The following FBXO38 variants were observed in gnomAD, a reference collection of about 807,000 sequenced individuals.
FBXO38 encodes the protein F-box only protein 38.
In FBXO38, 53 loss-of-function variants were observed where a neutral mutation model predicts 131.9. That is an observed-to-expected ratio of 0.40 (90% CI 0.32 to 0.51). FBXO38 has a LOEUF of 0.51. Among genes scored for constraint, FBXO38 ranks in the 20% least tolerant of loss-of-function variants. The pLI is 0.53. For synonymous variants in FBXO38, 452 were observed against 505.6 expected (o/e 0.89, Z 1.42); for missense variants, 1,076 against 1,475.6 (o/e 0.73, Z 4.44).
chr5:148,440,386 T>C, intron 19 of FBXO38, 38 bp from the exon 20 acceptor site: 1 of 1,283,150 alleles, frequency 7.8e-7, no homozygotes, highest in Non-Finnish European at 1.1e-6. Flanking sequence ...TTATTTCCAG[T>C]TTTGTAATTT....
chr5:148,438,593 A>G, intron 18 of FBXO38, 95 bp downstream of exon 18: 1 of 1,337,740 alleles, frequency 7.5e-7, no homozygotes, highest in Non-Finnish European at 1.0e-6. Flanking sequence ...TTTGGCATTC[A>G]TTCACTTGCC....
At position 148,404,804 on chromosome 5, in the gene FBXO38, G is replaced by A. The variant is rs144890577; in HGVS notation, c.712G>A (p.Val238Ile). 155 of 1,606,046 alleles carry A rather than the reference G, an allele frequency of 9.7e-5. No homozygotes were observed. Among genetic ancestry groups the A allele is most frequent in the Middle Eastern group, 1.7e-4 (1 of 6,038 alleles). The change falls in exon 6 of 22, where the codon GTC becomes ATC. Residue 238 changes from valine to isoleucine, a missense_variant. Val to Ile is a conservative substitution (Grantham distance 29, BLOSUM62 3). Coordinates refer to ENST00000340253, the MANE Select transcript of FBXO38 (RefSeq NM_205836.3). ...CCTTTGTATCAGCTTAAGAACTTTC[G>A]TCATGAGGAACTGTGCAGGTAATGG... Reference protein sequence around the residue: ...DFLCISLRTFVMRNCAGPTNS... With the variant: ...DFLCISLRTFIMRNCAGPTNS...
At chr5:148,419,288 G>A (rs1430125295) in intron 12 of FBXO38, among the ~76,000 whole-genome samples, 1 of 152,084 alleles carries the variant, frequency 6.6e-6, no homozygotes, top group African/African-American at 2.4e-5. Context: ...AGATTCCACA[G>A]GTCACTCCCA....
At position 148,417,030 on chromosome 5, in the gene FBXO38, A is replaced by G; in HGVS notation, c.1444A>G (p.Ile482Val). 1 of 1,613,908 alleles carries G rather than the reference A, an allele frequency of 6.2e-7. No homozygotes were observed. The highest frequency in any genetic ancestry group is 8.5e-7 in the Non-Finnish European group (1 of 1,179,856). ...ARVGLSAGTG[I>V]GVSSALVSNQ... ...AGTTGGTCTGAGTGCAGGCACAGGAATTGGTGTTTCATCAGCTCTTGTTAG... is the reference window on the plus strand; with the variant it reads ...AGTTGGTCTGAGTGCAGGCACAGGAGTTGGTGTTTCATCAGCTCTTGTTAG... Residue 482 changes from isoleucine to valine, a missense_variant, in exon 12 of 22, where the codon ATT becomes GTT. Physicochemically the swap from Ile to Val is conservative, Grantham distance 29. Coordinates refer to ENST00000340253, the MANE Select transcript of FBXO38 (RefSeq NM_205836.3).
chr5:148,409,541 C>G (rs945795792), intron 8 of FBXO38, among the ~76,000 whole-genome samples: 2 of 152,198 alleles, frequency 1.3e-5, no homozygotes, highest in African/African-American at 2.4e-5. Flanking sequence ...GTAGCCCTCT[C>G]AGGACCATTG....
chr5:148,402,006 C>G lies in FBXO38; in HGVS notation c.287C>G (p.Thr96Arg). The G allele has an allele frequency of 6.2e-7, 1 of 1,610,452 alleles. No individual in the cohort carries two copies. The highest frequency in any genetic ancestry group is 8.5e-7 in the Non-Finnish European group (1 of 1,177,290). ...GGCTTTACAGATGCCAGTTTTCTAACACTATTAAAGAAGATGCCAGATGTT... is the reference window on the plus strand; with the variant it reads ...GGCTTTACAGATGCCAGTTTTCTAAGACTATTAAAGAAGATGCCAGATGTT... The part of the protein sequence containing the change: ...PSGFTDASFL[T>R]LLKKMPDVEQ... Residue 96 changes from threonine to arginine, a missense_variant, in exon 4 of 22, where the codon ACA (threonine) becomes AGA (arginine). Thr to Arg is a moderately conservative substitution (Grantham distance 71, BLOSUM62 -1). Transcript: ENST00000340253.
chr5:148,426,001 G>A (rs1368308376), intron 14 of FBXO38, among the ~76,000 whole-genome samples: 1 of 152,138 alleles, frequency 6.6e-6, no homozygotes, highest in Non-Finnish European at 1.5e-5. Context: ...TGTGCCTTAT[G>A]TAAGGGATGA....
intron 1 of FBXO38, among the ~76,000 whole-genome samples, chr5:148,387,886 T>C (rs1757998883): frequency 6.6e-6 from 1 of 152,038 alleles, no homozygotes; most frequent in Non-Finnish European, 1.5e-5. Context: ...GAGATGGGGT[T>C]TCACTATGTT....
chr5:148,389,442 C>G (rs1470056533), intron 1 of FBXO38, among the ~76,000 whole-genome samples: 1 of 152,332 alleles, frequency 6.6e-6, no homozygotes, highest in East Asian at 1.9e-4. Flanking sequence ...TCACCTGTCC[C>G]TCATGCTCCA....
chr5:148,402,084 G>A lies in FBXO38; in HGVS notation c.365G>A (p.Gly122Asp). The change falls in exon 4 of 22, where the codon GGC (glycine) becomes GAC (aspartate). Residue 122 changes from glycine to aspartate, a missense_variant. Around this residue, in one of 8 missense-constraint regions of FBXO38, gnomAD observed 96 missense variants for 193.9 expected, o/e 0.50. Transcript: ENST00000340253. Reference sequence around the variant, plus strand: ...TACCTTGAGAGGCGAAGAGTAAGGGGCCATGAGGCTTTTAGCATTCCAGGA... The same window carrying A: ...TACCTTGAGAGGCGAAGAGTAAGGGACCATGAGGCTTTTAGCATTCCAGGA... ...PRYLERRRVR[G>D]HEAFSIPGVL... is the part of the protein sequence containing the mutation. 1 of 1,613,694 alleles carries A rather than the reference G, an allele frequency of 6.2e-7. No homozygotes were observed. Among genetic ancestry groups the A allele is most frequent in the Non-Finnish European group, 8.5e-7 (1 of 1,179,672 alleles).
In FBXO38 at chr5:148,414,250, A is replaced by G. The variant is rs1290446201; in HGVS notation, c.1208A>G (p.Lys403Arg). Residue 403 changes from lysine to arginine, a missense_variant, in exon 10 of 22, where the codon AAA becomes AGA. By Grantham distance (26) the Lys-to-Arg change is conservative (BLOSUM62 2). Around this residue, in one of 8 missense-constraint regions of FBXO38, gnomAD observed 146 missense variants for 274.3 expected, o/e 0.53. Coordinates refer to ENST00000340253, the MANE Select transcript of FBXO38 (RefSeq NM_205836.3). ...KAVNEVFSCI[K>R]YLAIYNCPHL... ...GTCAATGAAGTTTTTTCCTGTATCA[A>G]ATATCTGGCAATTTACAATTGCCCT... The G allele has an allele frequency of 9.9e-6, 16 of 1,608,670 alleles. No homozygotes were observed. The highest frequency in any genetic ancestry group is 1.4e-5 in the Non-Finnish European group (16 of 1,177,628).
At chr5:148,433,050 G>T (rs1211458061) in intron 15 of FBXO38, among the ~76,000 whole-genome samples, 1 of 152,176 alleles carries the variant, frequency 6.6e-6, no homozygotes, top group Non-Finnish European at 1.5e-5. Flanking sequence ...CAAATGTGAA[G>T]CATTGAAACA....
chr5:148,420,238 T>C (rs1431385057), intron 12 of FBXO38, among the ~76,000 whole-genome samples: 2 of 151,334 alleles, frequency 1.3e-5, no homozygotes, highest in African/African-American at 2.4e-5. Context: ...TCCTTCCACC[T>C]CAGCCTCCCG....
intron 17 of FBXO38, 91 bp downstream of exon 17, chr5:148,433,828 A>C (rs1028283406): frequency 6.2e-6 from 4 of 647,988 alleles, no homozygotes; most frequent in Middle Eastern, 4.5e-4. Flanking sequence ...TTACTGTCTT[A>C]TTTTCTTAAA....
chr5:148,392,087 A>G (rs930139809), intron 1 of FBXO38, among the ~76,000 whole-genome samples: 1 of 152,162 alleles, frequency 6.6e-6, no homozygotes, highest in Non-Finnish European at 1.5e-5. Context: ...AGAGTATAGC[A>G]TGGTAAGCAT....
intron 3 of FBXO38, among the ~76,000 whole-genome samples, chr5:148,399,990 T>C (rs1287982638): frequency 3.9e-5 from 6 of 152,126 alleles, no homozygotes. Flanking sequence ...TGTTCTGTTC[T>C]ATAGAACAGA....
At chr5:148,435,654 C>T (rs1009286884) in intron 17 of FBXO38, among the ~76,000 whole-genome samples, 1 of 152,118 alleles carries the variant, frequency 6.6e-6, no homozygotes, top group Non-Finnish European at 1.5e-5. Flanking sequence ...CCTGTAGTCC[C>T]AGCTACTAGG....
intron 2 of FBXO38, 82 bp downstream of exon 2, chr5:148,394,986 C>G: frequency 8.0e-7 from 1 of 1,256,570 alleles, no homozygotes; most frequent in Non-Finnish European, 1.1e-6. Flanking sequence ...GTGGTAGCTA[C>G]CAGCTACATG....
Position 148,404,672 on chromosome 5 carries a change from A to G in FBXO38, c.593-13A>G. ...TTTTTTCTTGTTTGTTCTTTTTTAT[A>G]TTTGTGTTTTAGGGGTGAATGTTCC... On this transcript the variant is annotated splice_polypyrimidine_tract_variant and intron_variant, in intron 5 of 21. Transcript: ENST00000340253. 3 of 1,520,412 alleles carry G rather than the reference A, an allele frequency of 2.0e-6. No individual in the cohort carries two copies. The highest frequency in any genetic ancestry group is 2.6e-6 in the Non-Finnish European group (3 of 1,137,916). 94.2% of individuals were successfully genotyped at this position (1,520,412 alleles called of 1,614,324 possible).
Sources: gnomAD v4.1 joint callset for allele counts (sites outside exome capture counted in the v4.1 genomes callset) on GRCh38, gnomAD v4.1.1 for gene constraint, gnomAD v4.1.1 regional missense constraint, MANE v1.5 for transcripts, NCBI Gene and HGNC (gene_info 2026-07-23, HGNC 2026-07-21) for gene names.